The following MCTP1 variants were observed in gnomAD, a reference collection of about 807,000 sequenced individuals.
The protein encoded by MCTP1 is multiple C2 and transmembrane domain containing 1.
In MCTP1, 69 loss-of-function variants were observed where a neutral mutation model predicts 120.6. The ratio of observed to expected loss-of-function variants is 0.57; its 90% CI spans 0.47 to 0.70. The LOEUF (loss-of-function observed/expected upper bound fraction) is 0.70, where lower values mean the gene tolerates loss of function less well. MCTP1 is among the 30% of genes least tolerant of loss of function. The pLI, the probability that MCTP1 is intolerant of heterozygous loss-of-function variation, is 0.00. For missense variants in MCTP1, 1,203 were observed against 1,248.8 expected (o/e 0.96, Z 0.55); for synonymous variants, 529 against 493.1 (o/e 1.07, Z -0.96).
chr5:95,256,453 G>A (rs2152707967), intron 1 of MCTP1, among the ~76,000 whole-genome samples: 1 of 152,184 alleles, frequency 6.6e-6, no homozygotes, highest in African/African-American at 2.4e-5. Context: ...GAGCTGGAAG[G>A]GAAAAGTCAG....
chr5:95,112,822 A>G (rs1446224981), intron 1 of MCTP1, among the ~76,000 whole-genome samples: 1 of 152,214 alleles, frequency 6.6e-6, no homozygotes, highest in Non-Finnish European at 1.5e-5. Context: ...TGCAACAAAT[A>G]TATTATGGAA....
chr5:95,059,283 CA>C (rs886469931), intron 1 of MCTP1, among the ~76,000 whole-genome samples: 1 of 151,892 alleles, frequency 6.6e-6, no homozygotes, highest in African/African-American at 2.4e-5. Context: ...AGCTGGTGGC[CA>C]TTATCCTAAG....
chr5:94,807,725 G>C (rs139703914), intron 17 of MCTP1, among the ~76,000 whole-genome samples: 1 of 148,280 alleles, frequency 6.7e-6, no homozygotes, highest in South Asian at 2.2e-4. Flanking sequence ...GAAATACTGG[G>C]CATTTGGCGG....
At chr5:95,232,781 C>T (rs997525217) in intron 1 of MCTP1, among the ~76,000 whole-genome samples, 6 of 152,046 alleles carry the variant, frequency 3.9e-5, no homozygotes, top group Admixed American at 6.6e-5. Context: ...ATGTATCATG[C>T]TAATACTAAT....
chr5:94,768,995 C>T (rs544140872), intron 19 of MCTP1, among the ~76,000 whole-genome samples: 1 of 152,082 alleles, frequency 6.6e-6, no homozygotes, highest in Non-Finnish European at 1.5e-5. Flanking sequence ...AAGTATCCAT[C>T]AACATTTTAA....
chr5:95,045,750 G>T (rs960728557), intron 1 of MCTP1, among the ~76,000 whole-genome samples: 6 of 152,102 alleles, frequency 3.9e-5, no homozygotes, highest in Admixed American at 1.3e-4. Flanking sequence ...GTGATATATG[G>T]TTACATCATA....
intron 2 of MCTP1, among the ~76,000 whole-genome samples, chr5:94,971,218 G>C (rs975196742): frequency 6.6e-6 from 1 of 151,842 alleles, no homozygotes; most frequent in African/African-American, 2.4e-5. Context: ...CTTTGACAGA[G>C]AATAAGCCAT....
chr5:95,250,063 G>A (rs571312417), intron 1 of MCTP1, among the ~76,000 whole-genome samples: 7 of 152,262 alleles, frequency 4.6e-5, no homozygotes, highest in African/African-American at 1.2e-4. Flanking sequence ...TGTAAATGAC[G>A]AGTTGATGGG....
chr5:94,877,400 GT>G (rs560445698), intron 12 of MCTP1, among the ~76,000 whole-genome samples: 4 of 150,454 alleles, frequency 2.7e-5, no homozygotes, highest in East Asian at 2.0e-4. Context: ...ATGGATCTTT[GT>G]TTTTTTTTAA....
intron 1 of MCTP1, among the ~76,000 whole-genome samples, chr5:95,144,999 A>T (rs148181306): frequency 2.0e-4 from 31 of 152,296 alleles, no homozygotes; most frequent in Middle Eastern, 3.4e-3. Flanking sequence ...AAATATGGCC[A>T]TTTTAATGAT....
At chr5:95,107,290 C>T (rs1240428876) in intron 1 of MCTP1, among the ~76,000 whole-genome samples, 2 of 152,124 alleles carry the variant, frequency 1.3e-5, no homozygotes, top group East Asian at 1.9e-4. Flanking sequence ...CATAATGAAT[C>T]GGGTACTCTG....
intron 1 of MCTP1, among the ~76,000 whole-genome samples, chr5:95,210,080 G>C (rs892078380): frequency 6.6e-6 from 1 of 152,110 alleles, no homozygotes; most frequent in African/African-American, 2.4e-5. Context: ...CTGAGGAGGA[G>C]AGCTTTACTT....
chr5:95,215,620 T>A (rs987420070), intron 1 of MCTP1, among the ~76,000 whole-genome samples: 2 of 152,166 alleles, frequency 1.3e-5, no homozygotes, highest in Admixed American at 6.6e-5. Context: ...TTAGCCTTGT[T>A]ATTTTTTTCT....
intron 1 of MCTP1, among the ~76,000 whole-genome samples, chr5:95,166,481 C>T (rs1246877255): frequency 2.0e-5 from 3 of 152,128 alleles, no homozygotes; most frequent in African/African-American, 7.2e-5. Context: ...AAAGCCACTC[C>T]ATAATTCATA....
At chr5:94,809,091 G>C (rs529107919) in intron 17 of MCTP1, among the ~76,000 whole-genome samples, 1 of 152,102 alleles carries the variant, frequency 6.6e-6, no homozygotes, top group South Asian at 2.1e-4. Flanking sequence ...AGCCACAAAA[G>C]CACCTAGTGA....
intron 17 of MCTP1, among the ~76,000 whole-genome samples, chr5:94,806,080 A>G (rs255337): frequency 0.91 from 137,258 of 151,506 alleles, 62,544 homozygotes; most frequent in African/African-American, 0.96. Flanking sequence ...AAAAACTAAC[A>G]GCGGAAATGA....
At chr5:95,201,691 G>C (rs1165172642) in intron 1 of MCTP1, among the ~76,000 whole-genome samples, 2 of 151,490 alleles carry the variant, frequency 1.3e-5, no homozygotes, top group East Asian at 1.9e-4. Context: ...TTTTAGGAGA[G>C]ACAGGGTTTC....
intron 12 of MCTP1, among the ~76,000 whole-genome samples, chr5:94,881,622 T>A (rs1174157403): frequency 1.3e-5 from 2 of 152,056 alleles, no homozygotes; most frequent in African/African-American, 4.8e-5. Flanking sequence ...TGTGTGTTGA[T>A]CGTGGAAGAG....
At chr5:94,749,393 G>A (rs1450220634) in intron 19 of MCTP1, among the ~76,000 whole-genome samples, 4 of 152,032 alleles carry the variant, frequency 2.6e-5, no homozygotes, top group Non-Finnish European at 5.9e-5. Context: ...GGTGGCTCAC[G>A]TCTGTAATCC....
Sources: allele counts gnomAD v4.1 joint callset (sites outside exome capture counted in the v4.1 genomes callset), GRCh38; gene constraint gnomAD v4.1.1; transcripts MANE v1.5; gene names NCBI Gene and HGNC (gene_info 2026-07-23, HGNC 2026-07-21).